The following CNTNAP5 variants were observed in gnomAD, a reference collection of about 807,000 sequenced individuals.
CNTNAP5 encodes contactin associated protein family member 5, also known as contactin-associated protein-like 5.
CNTNAP5 carries 72 observed loss-of-function variants against 150.2 expected under a neutral mutation model. That is an observed-to-expected ratio of 0.48 (90% CI 0.40 to 0.58). The LOEUF is 0.58. Ranked by LOEUF, CNTNAP5 falls within the 20% of genes least tolerant of loss-of-function variation. The probability of loss-of-function intolerance (pLI) is 0.00; values close to 1 mark genes in which losing one functional copy is unlikely to be tolerated. For synonymous variants in CNTNAP5, 672 were observed against 619.8 expected (o/e 1.08, Z -1.25); for missense variants, 1,636 against 1,626.2 (o/e 1.01, Z -0.10).
intron 13 of CNTNAP5, among the ~76,000 whole-genome samples, chr2:124,708,298 A>G (rs1384747485): frequency 6.6e-6 from 1 of 152,172 alleles, no homozygotes; most frequent in Non-Finnish European, 1.5e-5. Flanking sequence ...GTCATCACTA[A>G]GCCTGGTACT....
chr2:124,074,742 A>T (rs1036804944), intron 1 of CNTNAP5, among the ~76,000 whole-genome samples: 1 of 152,138 alleles, frequency 6.6e-6, no homozygotes, highest in Non-Finnish European at 1.5e-5. Context: ...AAATTTGATC[A>T]TCTTGTGTCT....
chr2:124,594,847 C>A (rs1250926308), intron 11 of CNTNAP5, among the ~76,000 whole-genome samples: 1 of 103,144 alleles, frequency 9.7e-6, no homozygotes, highest in Non-Finnish European at 2.0e-5. Context: ...TGAAGAGGTC[C>A]TTCACATCCC....
chr2:124,683,438 G>C (rs1224285461), intron 13 of CNTNAP5, among the ~76,000 whole-genome samples: 1 of 151,994 alleles, frequency 6.6e-6, no homozygotes. Flanking sequence ...TTGGTTTCAT[G>C]GATAAGTTTT....
chr2:124,735,184 AAAAC>A lies in CNTNAP5; in HGVS notation c.2078-12029_2078-12026del, dbSNP rs907047119. 3.9e-5 allele frequency among the ~76,000 whole-genome samples: 6 copies of A among 152,152 alleles called. 1 individual carries two copies. Among genetic ancestry groups the A allele is most frequent in the Admixed American group, 2.0e-4 (3 of 15,264 alleles). The stretch of plus-strand genomic sequence containing the variant: ...GTTGAATCAATGACTGCCCATCCAA[AAAAC>A]AAACAAACAAACAAATAAAACATGT... On this transcript the variant is annotated intron_variant, in intron 13 of 23. Transcript: ENST00000682447.
intron 6 of CNTNAP5, among the ~76,000 whole-genome samples, chr2:124,467,520 T>A (rs1335473578): frequency 3.3e-5 from 5 of 152,170 alleles, no homozygotes; most frequent in Non-Finnish European, 5.9e-5. Flanking sequence ...TTTTAATTTT[T>A]ATTTTCAAAG....
intron 3 of CNTNAP5, among the ~76,000 whole-genome samples, chr2:124,391,309 TTAGA>T (rs1399725543): frequency 6.6e-6 from 1 of 152,132 alleles, no homozygotes; most frequent in East Asian, 1.9e-4. Context: ...ATTAAAGTAT[TTAGA>T]TATGCTAATT....
At chr2:124,279,637 C>A (rs1182063219) in intron 3 of CNTNAP5, among the ~76,000 whole-genome samples, 1 of 152,108 alleles carries the variant, frequency 6.6e-6, no homozygotes, top group African/African-American at 2.4e-5. Context: ...ACCATAACCT[C>A]TCTGGAACCT....
intron 1 of CNTNAP5, among the ~76,000 whole-genome samples, chr2:124,212,023 C>T (rs928526375): frequency 1.3e-5 from 2 of 152,086 alleles, no homozygotes; most frequent in African/African-American, 4.8e-5. Context: ...AGACAACGTT[C>T]TAGAAGAGAA....
chr2:124,414,288 G>T (rs73952957), intron 3 of CNTNAP5, among the ~76,000 whole-genome samples: 2,152 of 152,154 alleles, frequency 0.014, 57 homozygotes, highest in African/African-American at 0.049. Context: ...ATAAGTGATT[G>T]ATTGACTTTG....
chr2:124,267,828 G>A (rs1382640726), intron 3 of CNTNAP5, among the ~76,000 whole-genome samples: 1 of 152,162 alleles, frequency 6.6e-6, no homozygotes, highest in African/African-American at 2.4e-5. Context: ...TTTAAGAAGG[G>A]AAAGTTGAAA....
intron 10 of CNTNAP5, among the ~76,000 whole-genome samples, chr2:124,531,537 C>T (rs1446879296): frequency 6.6e-6 from 1 of 152,200 alleles, no homozygotes; most frequent in Non-Finnish European, 1.5e-5. Context: ...GACTGACTTA[C>T]ATCTATCCCT....
At chr2:124,711,585 T>C (rs1679809337) in intron 13 of CNTNAP5, among the ~76,000 whole-genome samples, 1 of 152,138 alleles carries the variant, frequency 6.6e-6, no homozygotes, top group African/African-American at 2.4e-5. Flanking sequence ...ATAATTTGTA[T>C]TTGAGGCTGA....
At chr2:124,250,409 T>C (rs1687143412) in intron 3 of CNTNAP5, among the ~76,000 whole-genome samples, 2 of 152,130 alleles carry the variant, frequency 1.3e-5, no homozygotes, top group African/African-American at 4.8e-5. Context: ...GTCATTGCCA[T>C]GAAAGGTAGG....
intron 4 of CNTNAP5, among the ~76,000 whole-genome samples, chr2:124,425,410 G>T (rs1011929654): frequency 6.6e-6 from 1 of 152,174 alleles, no homozygotes; most frequent in Admixed American, 6.5e-5. Context: ...TACTGATGAC[G>T]GTAGAAGTCA....
chr2:124,820,970 A>G (rs2104669123), intron 19 of CNTNAP5, among the ~76,000 whole-genome samples: 1 of 152,288 alleles, frequency 6.6e-6, no homozygotes, highest in South Asian at 2.1e-4. Context: ...AACTTGTGGA[A>G]ATATGCAGTG....
chr2:124,599,049 T>C (rs1045179767), intron 11 of CNTNAP5, among the ~76,000 whole-genome samples: 1 of 152,026 alleles, frequency 6.6e-6, no homozygotes, highest in Admixed American at 6.6e-5. Context: ...TGTCTGGCAC[T>C]CCCTAGTGAG....
At chr2:124,230,533 A>AT (rs1686589607) in intron 2 of CNTNAP5, among the ~76,000 whole-genome samples, 1 of 147,310 alleles carries the variant, frequency 6.8e-6, no homozygotes, top group African/African-American at 2.5e-5. Flanking sequence ...TATATAAATT[A>AT]TTATTTTTTT....
chr2:124,882,605 T>A (rs1448960409), intron 21 of CNTNAP5, among the ~76,000 whole-genome samples: 1 of 152,152 alleles, frequency 6.6e-6, no homozygotes, highest in Non-Finnish European at 1.5e-5. Context: ...TATGCAGAGA[T>A]GCTGTCTTCA....
At position 124,356,896 on chromosome 2, in the gene CNTNAP5, T is replaced by G. The variant is rs540315477; in HGVS notation, c.382-60547T>G. Among the ~76,000 whole-genome samples, 6 of 151,934 alleles carry G rather than the reference T, an allele frequency of 3.9e-5. No homozygotes were observed. The South Asian group carries it at 1.3e-3, about 32-fold the overall frequency. On this transcript the variant is annotated intron_variant, in intron 3 of 23. Coordinates refer to ENST00000682447, the MANE Select transcript of CNTNAP5 (RefSeq NM_001367498.1). ...GGAATCGCCACACTGACTTCCACAA[T>G]GGTTGAACTAGTTTACAGTCCCACC...
Sources: allele counts gnomAD v4.1 joint callset (sites outside exome capture counted in the v4.1 genomes callset), GRCh38; gene constraint gnomAD v4.1.1; transcripts MANE v1.5; gene names NCBI Gene and HGNC (gene_info 2026-07-23, HGNC 2026-07-21).